Variants in UGT1A8 observed in about 807,000 individuals in gnomAD.
UGT1A8 encodes the protein UDP-glucuronosyltransferase 1A8.
Under a neutral mutation model 45.3 loss-of-function variants are expected in UGT1A8, and 39 were observed. The ratio of observed to expected loss-of-function variants is 0.86; its 90% confidence interval spans 0.67 to 1.12. The LOEUF (loss-of-function observed/expected upper bound fraction) is 1.12, where lower values mean the gene tolerates loss of function less well. Among genes scored for constraint, UGT1A8 ranks in the 50% most tolerant of loss-of-function variants. The pLI, the probability that UGT1A8 is intolerant of heterozygous loss-of-function variation, is 0.00. For synonymous variants in UGT1A8, 275 were observed against 249.2 expected (o/e 1.10, Z -0.97); for missense variants, 719 against 664.9 (o/e 1.08, Z -0.90).
chr2:233,672,511 A>C (rs762199881), intron 1 of UGT1A8: 3 of 1,613,780 alleles, frequency 1.9e-6, no homozygotes, highest in African/African-American at 2.7e-5. Context: ...TGTCCCCAGA[A>C]TTCTCTTAGG....
At chr2:233,623,601 T>A (rs1234307105) in intron 1 of UGT1A8, among the ~76,000 whole-genome samples, 1 of 152,306 alleles carries the variant, frequency 6.6e-6, no homozygotes, top group Admixed American at 6.5e-5. Context: ...CACAATATCA[T>A]TATCATATCT....
rs1031520342 is a variant in UGT1A8, at chr2:233,702,053, C to T, written c.856-64981C>T. Among the ~76,000 whole-genome samples, 3 of 152,266 alleles carry T rather than the reference C, an allele frequency of 2.0e-5. No homozygotes were observed. The East Asian group carries it at 5.8e-4, about 29-fold the overall frequency. On this transcript the variant is annotated intron_variant, in intron 1 of 4. Coordinates refer to ENST00000373450, the MANE Select transcript of UGT1A8 (RefSeq NM_019076.5). ...AAAACCCTTCAAAAAATTAACAATT[C>T]ACTAATTTTAATGGTTTTTGGTATA... is the stretch of plus-strand genomic sequence containing the variant.
intron 1 of UGT1A8, chr2:233,648,321 C>T (rs1487189509): frequency 2.8e-5 from 15 of 526,754 alleles, no homozygotes; most frequent in Admixed American, 6.9e-5. Flanking sequence ...ATTTCTCCCT[C>T]CTCTCGGTGG....
chr2:233,743,938 A>T (rs754327674), intron 1 of UGT1A8: 2 of 1,356,166 alleles, frequency 1.5e-6, no homozygotes, highest in Admixed American at 1.9e-5. Context: ...AGAACGGCCC[A>T]CCAGGCACTG....
intron 1 of UGT1A8, among the ~76,000 whole-genome samples, chr2:233,630,528 G>A (rs1374189454): frequency 1.3e-5 from 2 of 152,088 alleles, no homozygotes; most frequent in African/African-American, 2.4e-5. Flanking sequence ...GATACCTGAG[G>A]CTGGGTAATT....
chr2:233,722,026 G>T, intron 1 of UGT1A8: 1 of 245,738 alleles, frequency 4.1e-6, no homozygotes, highest in Non-Finnish European at 8.2e-6. Context: ...GAAACCTCTT[G>T]AATTGCATGA....
intron 1 of UGT1A8, among the ~76,000 whole-genome samples, chr2:233,669,267 AT>A: frequency 6.7e-6 from 1 of 148,652 alleles, no homozygotes; most frequent in Admixed American, 6.7e-5. Flanking sequence ...TTTTTTTTCT[AT>A]TTTTTAAAAG....
intron 1 of UGT1A8, among the ~76,000 whole-genome samples, chr2:233,701,615 G>A (rs1575471744): frequency 6.6e-6 from 1 of 152,268 alleles, no homozygotes; most frequent in East Asian, 1.9e-4. Flanking sequence ...CTCAGCAAAC[G>A]TAAAAGAACA....
At chr2:233,748,742 C>T (rs533880197) in intron 1 of UGT1A8, among the ~76,000 whole-genome samples, 32 of 151,508 alleles carry the variant, frequency 2.1e-4, no homozygotes, top group African/African-American at 6.3e-4. Flanking sequence ...TCTCAGAGTT[C>T]GGAAGGCATA....
At chr2:233,748,947 C>G (rs900612588) in intron 1 of UGT1A8, among the ~76,000 whole-genome samples, 1 of 151,662 alleles carries the variant, frequency 6.6e-6, no homozygotes, top group Non-Finnish European at 1.5e-5. Context: ...CCCACCCTAT[C>G]CCACTCCAAG....
chr2:233,661,627 C>CTTTCTTTCTTTTCTT (rs755405056), intron 1 of UGT1A8, among the ~76,000 whole-genome samples: 2 of 106,136 alleles, frequency 1.9e-5, no homozygotes, highest in South Asian at 6.9e-4. Flanking sequence ...ACTGAATTTT[C>CTTTCTTTCTTTTCTT]TTTCTTTCTT....
At chr2:233,746,832 T>C (rs1693484231) in intron 1 of UGT1A8, among the ~76,000 whole-genome samples, 1 of 151,782 alleles carries the variant, frequency 6.6e-6, no homozygotes, top group Admixed American at 6.5e-5. Context: ...CCTACCACTG[T>C]TGGGGACCTC....
intron 1 of UGT1A8, among the ~76,000 whole-genome samples, chr2:233,692,624 A>T (rs907640758): frequency 6.6e-6 from 1 of 152,204 alleles, no homozygotes; most frequent in African/African-American, 2.4e-5. Flanking sequence ...TCATGGACAT[A>T]ACAGACAACG....
chr2:233,738,299 G>A (rs1452652479), intron 1 of UGT1A8, among the ~76,000 whole-genome samples: 1 of 152,208 alleles, frequency 6.6e-6, no homozygotes, highest in Non-Finnish European at 1.5e-5. Flanking sequence ...TCTTGGGTAT[G>A]TCTTTATAGC....
chr2:233,741,432 C>T (rs1352002109), intron 1 of UGT1A8: 1 of 151,408 alleles, frequency 6.6e-6, no homozygotes, highest in Non-Finnish European at 1.5e-5. Flanking sequence ...AGCAAACCTA[C>T]TCAGCAAACT....
chr2:233,725,038 C>G lies in UGT1A8; in HGVS notation c.856-41996C>G, dbSNP rs1391626503. On this transcript the variant is annotated intron_variant, in intron 1 of 4. Coordinates refer to ENST00000373450, the MANE Select transcript of UGT1A8 (RefSeq NM_019076.5). ...CAGCAAAACCCGGTCTCCACCAAAA[C>G]CAGTCAGGCGTGGCGGCGCGCGCCT... Among the ~76,000 whole-genome samples, 35 of 148,320 alleles carry G rather than the reference C, an allele frequency of 2.4e-4. 2 individuals carry two copies. Among genetic ancestry groups the G allele is most frequent in the Non-Finnish European group, 4.3e-4 (29 of 67,320 alleles).
At chr2:233,653,045 G>A (rs1366375786) in intron 1 of UGT1A8, among the ~76,000 whole-genome samples, 3 of 152,220 alleles carry the variant, frequency 2.0e-5, no homozygotes, top group Admixed American at 6.5e-5. Context: ...TCTCTAAGAT[G>A]TGCAAGTAAA....
chr2:233,772,287 T>C lies in UGT1A8; in HGVS notation c.1321T>C (p.Ser441Pro), dbSNP rs1575870013. 1 of 1,614,254 alleles carries C rather than the reference T, an allele frequency of 6.2e-7. No individual in the cohort carries two copies. ...TTACAAGGAGAACATCATGCGCCTC[T>C]CCAGCCTTCACAAGGACCGCCCGGT... ...KSYKENIMRL[S>P]SLHKDRPVEP... is the part of the protein sequence containing the mutation. The change falls in exon 5 of 5, where the codon TCC (serine) becomes CCC (proline). Residue 441 changes from serine (S) to proline (P), a missense_variant. Transcript: ENST00000373450.
At chr2:233,755,285 A>C (rs1468695441) in intron 1 of UGT1A8, 1 of 681,694 alleles carries the variant, frequency 1.5e-6, no homozygotes, top group Non-Finnish European at 2.3e-6. Flanking sequence ...ACTGCCAAAG[A>C]GCCTGCGGGG....
Sources: allele counts gnomAD v4.1 joint callset (sites outside exome capture counted in the v4.1 genomes callset), GRCh38; gene constraint gnomAD v4.1.1; transcripts MANE v1.5; gene names NCBI Gene and HGNC (gene_info 2026-07-23, HGNC 2026-07-21).